The following TMOD1 variants were observed in gnomAD, a reference collection of about 807,000 sequenced individuals.
TMOD1 encodes tropomodulin 1.
A neutral mutation model predicts 40.6 loss-of-function variants in TMOD1; 17 were observed. That is an observed-to-expected ratio of 0.42 (90% CI 0.29 to 0.63). TMOD1 has a LOEUF of 0.63. TMOD1 is among the 20% of genes least tolerant of loss of function. The probability of loss-of-function intolerance (pLI) is 0.22; values close to 1 mark genes in which losing one functional copy is unlikely to be tolerated. For missense variants in TMOD1, 391 were observed against 447.6 expected, an observed-to-expected ratio of 0.87 and a Z score of 1.14; for synonymous variants, 181 against 175.0, an observed-to-expected ratio of 1.03 and a Z score of -0.27.
At position 97,565,865 on chromosome 9, in the gene TMOD1, C is replaced by T. The variant is rs138900420; in HGVS notation, c.636C>T (p.Thr212=). The change falls in exon 7 of 10, where the codon ACC becomes ACT. Residue 212 remains threonine, a synonymous_variant. Coordinates refer to ENST00000259365, the MANE Select transcript of TMOD1 (RefSeq NM_003275.4). ...TTGTGCAGAATATCCCCATCCCCAC[C>T]CTCAAGGCATATGCAGAAGCCCTGA... ...LNNIRNIPIP[T]LKAYAEALKE... 2 of 1,614,036 alleles carry T rather than the reference C, an allele frequency of 1.2e-6. No individual in the cohort carries two copies. The highest frequency in any genetic ancestry group is 2.7e-5 in the African/African-American group (2 of 75,038).
rs946269484 is a variant in TMOD1, at chr9:97,601,167, C to T, written c.*1469C>T. 2.3e-6 allele frequency: 3 copies of T among 1,300,462 alleles called. No homozygotes were observed. Among genetic ancestry groups the T allele is most frequent in the East Asian group, 1.1e-4 (2 of 18,006 alleles). 80.6% of individuals were successfully genotyped at this position (1,300,462 alleles called of 1,614,324 possible). ...CACCATGTTGCAGGGACAACCATCCCCATTTGGCTTCTCCTTAAAACACAA... is the reference window on the plus strand; with the variant it reads ...CACCATGTTGCAGGGACAACCATCCTCATTTGGCTTCTCCTTAAAACACAA... On this transcript the variant is annotated 3_prime_UTR_variant, in exon 10 of 10. Coordinates refer to ENST00000259365, the MANE Select transcript of TMOD1 (RefSeq NM_003275.4).
Position 97,566,127 on chromosome 9 carries a change from C to T in TMOD1, c.726+172C>T, listed in dbSNP as rs561883365. ...TGTAGAGGGAACAGCCATCACCTGG[C>T]ACCACCTACACGTCATCCTGGCCAA... On this transcript the variant is annotated intron_variant, in intron 7 of 9. Transcript: ENST00000259365. 4.5e-4 allele frequency among the ~76,000 whole-genome samples: 69 copies of T among 152,244 alleles called. 1 individual carries two copies. Among genetic ancestry groups the T allele is most frequent in the Admixed American group, 4.4e-3 (68 of 15,292 alleles).
At chr9:97,590,364 C>T (rs1017615316) in intron 8 of TMOD1, among the ~76,000 whole-genome samples, 6 of 152,048 alleles carry the variant, frequency 3.9e-5, no homozygotes, top group Non-Finnish European at 4.4e-5. Flanking sequence ...GCTGGGACTA[C>T]AGGTGCCCGC....
At chr9:97,586,255 A>T (rs941500029) in intron 8 of TMOD1, among the ~76,000 whole-genome samples, 6 of 152,010 alleles carry the variant, frequency 3.9e-5, no homozygotes, top group South Asian at 4.2e-4. Context: ...TCTGTTGGAA[A>T]ACCCTGCTGT....
intron 1 of TMOD1, among the ~76,000 whole-genome samples, chr9:97,515,047 C>T (rs183373999): frequency 1.3e-5 from 2 of 152,164 alleles, no homozygotes; most frequent in African/African-American, 4.8e-5. Flanking sequence ...ATAAAAAACA[C>T]CATGACAGTC....
At chr9:97,559,794 A>ATATATATATATATATAT (rs1554683057) in intron 4 of TMOD1, among the ~76,000 whole-genome samples, 2 of 23,170 alleles carry the variant, frequency 8.6e-5, no homozygotes, top group African/African-American at 3.1e-4. Context: ...AAAAAAAAAA[A>ATATATATATATATATAT]ATATATATAT....
intron 1 of TMOD1, among the ~76,000 whole-genome samples, chr9:97,507,771 AG>A (rs1193897609): frequency 6.6e-6 from 1 of 152,088 alleles, no homozygotes; most frequent in Non-Finnish European, 1.5e-5. Flanking sequence ...CCAAGGGGAA[AG>A]GGGGGGACAA....
At chr9:97,556,126 G>C (rs1830532930) in intron 4 of TMOD1, among the ~76,000 whole-genome samples, 1 of 150,748 alleles carries the variant, frequency 6.6e-6, no homozygotes, top group Non-Finnish European at 1.5e-5. Flanking sequence ...GAGGATGGGG[G>C]AATGGAGGAG....
intron 4 of TMOD1, among the ~76,000 whole-genome samples, chr9:97,554,938 G>T (rs1830512699): frequency 6.6e-6 from 1 of 152,206 alleles, no homozygotes; most frequent in African/African-American, 2.4e-5. Flanking sequence ...AGGTCTGGGG[G>T]ACCTGAGGAG....
At position 97,553,395 on chromosome 9, in the gene TMOD1, T is replaced by C. The variant is rs756534627; in HGVS notation, c.392T>C (p.Ile131Thr). Reference sequence around the variant, plus strand: ...GCTTCAGATGCAGAACTCTGTGACATTGCAGGTAAGAGGCGTTCCAGGAGC... The same window carrying C: ...GCTTCAGATGCAGAACTCTGTGACACTGCAGGTAAGAGGCGTTCCAGGAGC... ...ANASDAELCDIAAILGMHTLM... is the reference protein window; with the variant it reads ...ANASDAELCDTAAILGMHTLM... The change falls in exon 4 of 10, where the codon ATT becomes ACT. Residue 131 changes from isoleucine to threonine, a missense_variant. Physicochemically the swap from Ile to Thr is moderately conservative, Grantham distance 89. Transcript: ENST00000259365. 6.2e-7 allele frequency: 1 copy of C among 1,614,188 alleles called. No individual in the cohort carries two copies. The highest frequency in any genetic ancestry group is 1.1e-5 in the South Asian group (1 of 91,092).
intron 1 of TMOD1, among the ~76,000 whole-genome samples, chr9:97,509,564 G>A (rs1353374052): frequency 6.9e-6 from 1 of 145,878 alleles, no homozygotes; most frequent in Non-Finnish European, 1.5e-5. Flanking sequence ...AGGCTGGAGT[G>A]CAGTGGCTCA....
intron 1 of TMOD1, among the ~76,000 whole-genome samples, chr9:97,518,025 G>A (rs1172974950): frequency 6.6e-6 from 1 of 152,122 alleles, no homozygotes; most frequent in Non-Finnish European, 1.5e-5. Context: ...ATCCCCCATC[G>A]CCTCAGCTTC....
rs552195891 is a variant in TMOD1, at chr9:97,536,361, C to T, written c.121-9824C>T. Among the ~76,000 whole-genome samples, 21 of 152,086 alleles carry T rather than the reference C, an allele frequency of 1.4e-4. 1 individual carries two copies. In the South Asian group the frequency reaches 3.5e-3, roughly 26 times the overall value. On this transcript the variant is annotated intron_variant, in intron 2 of 9. Coordinates refer to ENST00000259365, the MANE Select transcript of TMOD1 (RefSeq NM_003275.4). ...CTGGCCTGATGTGGAGGCAGGTGGG[C>T]GTCTAGGGCACACTTAGGTTAAATT...
At chr9:97,526,149 G>A (rs960779340) in intron 2 of TMOD1, among the ~76,000 whole-genome samples, 15 of 152,192 alleles carry the variant, frequency 9.9e-5, no homozygotes, top group Admixed American at 8.5e-4. Flanking sequence ...CCGTTACCCC[G>A]TTATATCGAG....
intron 8 of TMOD1, among the ~76,000 whole-genome samples, chr9:97,583,942 T>TA (rs1825812202): frequency 6.6e-6 from 1 of 151,984 alleles, no homozygotes; most frequent in South Asian, 2.1e-4. Context: ...TTGATCCTTT[T>TA]AAAAAACCAG....
At chr9:97,578,736 C>T (rs912102971) in intron 8 of TMOD1, among the ~76,000 whole-genome samples, 3 of 152,142 alleles carry the variant, frequency 2.0e-5, no homozygotes, top group Non-Finnish European at 4.4e-5. Context: ...GTAGACAGGT[C>T]GAATGGGGGC....
rs1296052872 is a variant in TMOD1, at chr9:97,601,304, G to A, written c.*1606G>A. The A allele has an allele frequency of 6.8e-6, 8 of 1,173,144 alleles. No individual in the cohort carries two copies. The highest frequency in any genetic ancestry group is 6.7e-5 in the East Asian group (1 of 14,870). 72.7% of individuals were successfully genotyped at this position (1,173,144 alleles called of 1,614,324 possible). A position where few individuals can be genotyped will look rare whatever the true frequency, so the allele number is the denominator to read the frequency against. On this transcript the variant is annotated 3_prime_UTR_variant, in exon 10 of 10. Coordinates refer to ENST00000259365, the MANE Select transcript of TMOD1 (RefSeq NM_003275.4). ...CCTGTGTGACAGGGACATGTGCCTG[G>A]CACACTGGCCAGAAGACTGGGCAGC...
intron 2 of TMOD1, among the ~76,000 whole-genome samples, chr9:97,527,513 G>C (rs115037704): frequency 4.4e-4 from 67 of 152,350 alleles, no homozygotes; most frequent in African/African-American, 1.6e-3. Flanking sequence ...TTAATTCCAT[G>C]CCGAGTGAGG....
rs182176551 is a variant in TMOD1, at chr9:97,550,559, C to T, written c.278-2722C>T. ...AATTTTCCATTTTTTAAAATTGTAG[C>T]CATCCTCATGGGTGTGAAGTGGTAT... On this transcript the variant is annotated intron_variant, in intron 3 of 9. Transcript: ENST00000259365. Among the ~76,000 whole-genome samples, 20 of 152,272 alleles carry T rather than the reference C, an allele frequency of 1.3e-4. No individual in the cohort carries two copies. The East Asian group carries it at 3.5e-3, about 26-fold the overall frequency.
Sources: gnomAD v4.1 joint callset for allele counts (sites outside exome capture counted in the v4.1 genomes callset) on GRCh38, gnomAD v4.1.1 for gene constraint, MANE v1.5 for transcripts, NCBI Gene and HGNC (gene_info 2026-07-23, HGNC 2026-07-21) for gene names.